MROH1: variants seen among roughly 807,000 people sequenced by gnomAD.
MROH1 encodes maestro heat-like repeat-containing protein family member 1.
A neutral mutation model predicts 116.5 loss-of-function variants in MROH1; 117 were observed. That is an observed-to-expected ratio of 1.00 (90% confidence interval 0.86 to 1.17). The LOEUF (loss-of-function observed/expected upper bound fraction) is 1.17, where lower values mean the gene tolerates loss of function less well. Among genes scored for constraint, MROH1 ranks in the 50% most tolerant of loss-of-function variants. The pLI, the probability that MROH1 is intolerant of heterozygous loss-of-function variation, is 0.00. For synonymous variants in MROH1, 921 were observed against 583.9 expected (o/e 1.58, Z -8.32); for missense variants, 1,873 against 1,338.5 (o/e 1.40, Z -6.23).
At chr8:144,183,773 G>A (rs1432616663) in intron 7 of MROH1, among the ~76,000 whole-genome samples, 1 of 151,814 alleles carries the variant, frequency 6.6e-6, no homozygotes, top group Non-Finnish European at 1.5e-5. Context: ...CAGCCTCTCC[G>A]AGTAGCTGGG....
At chr8:144,175,530 C>T in intron 4 of MROH1, 2 of 985,486 alleles carry the variant, frequency 2.0e-6, no homozygotes, top group Non-Finnish European at 2.4e-6. Context: ...GCAGTTAATC[C>T]ACCCACTTAG....
intron 14 of MROH1, among the ~76,000 whole-genome samples, chr8:144,226,810 G>A (rs928881322): frequency 5.3e-5 from 8 of 152,118 alleles, no homozygotes; most frequent in Admixed American, 3.9e-4. Context: ...GGTCTTTTTC[G>A]ATCATGTTTT....
At chr8:144,156,037 G>A (rs1045554763) in intron 1 of MROH1, among the ~76,000 whole-genome samples, 215 of 151,870 alleles carry the variant, frequency 1.4e-3, no homozygotes, top group African/African-American at 5.0e-3. Context: ...TTGGGAGTTC[G>A]CAACCAGCCT....
At chr8:144,157,647 A>C (rs1818471643) in intron 1 of MROH1, among the ~76,000 whole-genome samples, 1 of 126,384 alleles carries the variant, frequency 7.9e-6, no homozygotes. Flanking sequence ...CTTTTAAGGG[A>C]TTTGCCTATT....
At chr8:144,202,545 G>A (rs1451544394) in intron 12 of MROH1, among the ~76,000 whole-genome samples, 2 of 128,622 alleles carry the variant, frequency 1.6e-5, no homozygotes, top group Non-Finnish European at 3.3e-5. Flanking sequence ...GCAGCGCCCC[G>A]CTCTGTATGG....
intron 10 of MROH1, among the ~76,000 whole-genome samples, chr8:144,195,336 C>G (rs1439001755): frequency 6.7e-6 from 1 of 149,524 alleles, no homozygotes; most frequent in Non-Finnish European, 1.5e-5. Flanking sequence ...CCTGTCTTTA[C>G]TAAAAATGCA....
chr8:144,188,633 A>G (rs1247915762), intron 7 of MROH1, among the ~76,000 whole-genome samples: 1 of 151,664 alleles, frequency 6.6e-6, no homozygotes, highest in Non-Finnish European at 1.5e-5. Context: ...CACCCAGCTA[A>G]TTTTTTGTAT....
chr8:144,219,125 C>T (rs890935887), intron 12 of MROH1, among the ~76,000 whole-genome samples: 10 of 151,510 alleles, frequency 6.6e-5, no homozygotes, highest in African/African-American at 2.4e-4. Flanking sequence ...CGGGTTCACG[C>T]CATTCTCCTG....
chr8:144,247,270 A>G, intron 29 of MROH1, 31 bp from the exon 30 acceptor site: 1 of 762,486 alleles, frequency 1.3e-6, no homozygotes, highest in Non-Finnish European at 2.4e-6. Context: ...CACCCCCAGC[A>G]TTCTAATAGC....
At chr8:144,208,196 G>A (rs553633121) in intron 12 of MROH1, among the ~76,000 whole-genome samples, 7 of 152,130 alleles carry the variant, frequency 4.6e-5, no homozygotes, top group African/African-American at 1.7e-4. Flanking sequence ...CGCCCGCCTC[G>A]GCCTCCCAAA....
chr8:144,253,712 A>G (rs1843218104), intron 33 of MROH1, among the ~76,000 whole-genome samples: 3 of 151,770 alleles, frequency 2.0e-5, no homozygotes, highest in African/African-American at 7.3e-5. Context: ...TCAGTGACAC[A>G]CTGTCCGCCT....
At chr8:144,194,575 T>G (rs1829389614) in intron 10 of MROH1, among the ~76,000 whole-genome samples, 1 of 152,168 alleles carries the variant, frequency 6.6e-6, no homozygotes, top group Non-Finnish European at 1.5e-5. Flanking sequence ...AAGATGGTCA[T>G]TATTCATCAC....
intron 35 of MROH1, among the ~76,000 whole-genome samples, chr8:144,258,215 C>G (rs1329477412): frequency 2.0e-5 from 3 of 152,170 alleles, no homozygotes; most frequent in African/African-American, 7.2e-5. Flanking sequence ...GAGAGTTGGC[C>G]AAGGTGGCCC....
intron 12 of MROH1, among the ~76,000 whole-genome samples, chr8:144,205,956 A>G (rs1266714968): frequency 6.6e-6 from 1 of 152,134 alleles, no homozygotes; most frequent in Admixed American, 6.6e-5. Context: ...TATGACTACC[A>G]CTCAAATCAA....
At chr8:144,178,562 C>T (rs1157629878) in intron 4 of MROH1, among the ~76,000 whole-genome samples, 1 of 152,250 alleles carries the variant, frequency 6.6e-6, no homozygotes, top group Non-Finnish European at 1.5e-5. Context: ...AGCCACCGCG[C>T]CTGTTCGGGT....
Position 144,180,900 on chromosome 8 carries a change from T to C in MROH1, c.562+377T>C, listed in dbSNP as rs1381628807. Among the ~76,000 whole-genome samples, 1 of 151,922 alleles carries C rather than the reference T, an allele frequency of 6.6e-6. No individual in the cohort carries two copies. On this transcript the variant is annotated intron_variant, in intron 7 of 43. Coordinates refer to ENST00000326134, the MANE Select transcript of MROH1 (RefSeq NM_032450.3). This position sits in a 1 kb window ranked among gnomAD's most constrained non-coding sequence, Gnocchi z 7.4. ...GACCCAGGGGATGGGGGCACATTCA[T>C]TCACCCCCACCCTCTGCCAGGAGCC...
At chr8:144,230,598 AT>A (rs895168311) in intron 14 of MROH1, among the ~76,000 whole-genome samples, 1 of 150,264 alleles carries the variant, frequency 6.7e-6, no homozygotes, top group African/African-American at 2.5e-5. Context: ...TTGGCTTATA[AT>A]TTTTTTCTTG....
chr8:144,243,652 G>A (rs1381939789), intron 25 of MROH1, 36 bp downstream of exon 25: 11 of 776,232 alleles, frequency 1.4e-5, no homozygotes, highest in East Asian at 2.4e-5. Flanking sequence ...TCCTCAGGCA[G>A]GTTCCTGGGA....
intron 14 of MROH1, among the ~76,000 whole-genome samples, chr8:144,236,047 C>G (rs1292034506): frequency 6.6e-6 from 1 of 152,174 alleles, no homozygotes; most frequent in Non-Finnish European, 1.5e-5. Flanking sequence ...CAGTTCTGTC[C>G]CTTTAGCTGC....
Sources: gnomAD v4.1 joint callset for allele counts (sites outside exome capture counted in the v4.1 genomes callset) on GRCh38, gnomAD v4.1.1 for gene constraint, Gnocchi (gnomAD v3.1) non-coding constraint, MANE v1.5 for transcripts, NCBI Gene and HGNC (gene_info 2026-07-23, HGNC 2026-07-21) for gene names.